The following PSEN1 variants were observed in gnomAD, a reference collection of about 807,000 sequenced individuals.
PSEN1 encodes presenilin-1.
PSEN1 carries 15 observed loss-of-function variants against 53.5 expected under a neutral mutation model. That is an observed-to-expected ratio of 0.28 (90% confidence interval 0.19 to 0.43). The LOEUF is 0.43. PSEN1 is among the 20% of genes least tolerant of loss of function. The pLI is 1.00. For synonymous variants in PSEN1, 208 were observed against 209.8 expected, an observed-to-expected ratio of 0.99 and a Z score of 0.08; for missense variants, 387 against 571.2, an observed-to-expected ratio of 0.68 and a Z score of 3.29.
chr14:73,153,289 G>A (rs1410576928), intron 3 of PSEN1, among the ~76,000 whole-genome samples: 1 of 152,192 alleles, frequency 6.6e-6, no homozygotes, highest in Non-Finnish European at 1.5e-5. Context: ...GCTTTTGCAT[G>A]AGTAAAATCT....
intron 3 of PSEN1, among the ~76,000 whole-genome samples, chr14:73,150,844 C>T (rs901118249): frequency 1.2e-4 from 17 of 147,076 alleles, no homozygotes; most frequent in Middle Eastern, 3.7e-3. Flanking sequence ...CCGAGGAGGG[C>T]GGATCACGAG....
rs1372050492 is a variant in PSEN1, at chr14:73,140,255, G to T, written c.-136+3672G>T. On this transcript the variant is annotated intron_variant, in intron 1 of 11. Coordinates refer to ENST00000324501, the MANE Select transcript of PSEN1 (RefSeq NM_000021.4). ...AGACAGAGTCTCCCTCTGTCGCCCA[G>T]GCTGGAGTGCAGTGGCACAATCTCA... Among the ~76,000 whole-genome samples the T allele has an allele frequency of 3.0e-5, 4 of 135,284 alleles. No homozygotes were observed. The South Asian group carries it at 9.1e-4, about 31-fold the overall frequency. 88.8% of individuals were successfully genotyped at this position (135,284 alleles called of 152,430 possible).
chr14:73,176,978 C>G (rs140971082), intron 5 of PSEN1, among the ~76,000 whole-genome samples: 6 of 152,270 alleles, frequency 3.9e-5, no homozygotes, highest in Admixed American at 3.3e-4. Context: ...CCAGTTTTTC[C>G]TTTGGTCGTA....
intron 1 of PSEN1, among the ~76,000 whole-genome samples, chr14:73,140,366 A>C (rs1419831131): frequency 6.6e-6 from 1 of 151,642 alleles, no homozygotes; most frequent in Non-Finnish European, 1.5e-5. Flanking sequence ...GTGTGCCACC[A>C]CACTGGGCTA....
At chr14:73,203,749 G>A (rs1423895277) in intron 8 of PSEN1, among the ~76,000 whole-genome samples, 3 of 152,102 alleles carry the variant, frequency 2.0e-5, no homozygotes, top group African/African-American at 7.2e-5. Flanking sequence ...TAGTAGAAGT[G>A]GTTCACTCTG....
chr14:73,138,823 C>A (rs1203311), intron 1 of PSEN1, among the ~76,000 whole-genome samples: 8,422 of 149,760 alleles, frequency 0.056, 292 homozygotes, highest in East Asian at 0.19. Flanking sequence ...AAAAATTAGC[C>A]GGGCGTGATG....
chr14:73,178,026 C>T (rs1187387648), intron 5 of PSEN1, among the ~76,000 whole-genome samples: 1 of 151,750 alleles, frequency 6.6e-6, no homozygotes, highest in African/African-American at 2.4e-5. Context: ...TCAAGTGATT[C>T]TCCTGCCTCA....
At position 73,211,680 on chromosome 14, in the gene PSEN1, T is replaced by C; in HGVS notation, c.956-89T>C. 2.8e-6 allele frequency: 4 copies of C among 1,421,488 alleles called. No individual in the cohort carries two copies. In the South Asian group the frequency reaches 4.7e-5, roughly 17 times the overall value. 88.1% of individuals were successfully genotyped at this position (1,421,488 alleles called of 1,614,324 possible). ...TGGTTTAAGGGCCAGCTAGTTACAA[T>C]GACAGCTAGTTACTGTTTCCATGTA... On this transcript the variant is annotated intron_variant, in intron 9 of 11. Transcript: ENST00000324501.
Position 73,220,903 on chromosome 14 carries a change from A to C in PSEN1, c.*1614A>C, listed in dbSNP as rs1022634476. ...TCTTTACCACAGAGAGCCCTTAGCT[A>C]TGCTGATCAGACCGTAAGCGTTTAT... On this transcript the variant is annotated 3_prime_UTR_variant, in exon 12 of 12. Coordinates refer to ENST00000324501, the MANE Select transcript of PSEN1 (RefSeq NM_000021.4). 1.3e-5 allele frequency: 2 copies of C among 152,156 alleles called. No homozygotes were observed. The highest frequency in any genetic ancestry group is 4.8e-5 in the African/African-American group (2 of 41,430). The allele number at this position is 152,156 out of a possible 1,614,324, so 9.4% of individuals were successfully genotyped here.
At chr14:73,205,396 G>A (rs566542756) in intron 8 of PSEN1, among the ~76,000 whole-genome samples, 33 of 150,720 alleles carry the variant, frequency 2.2e-4, no homozygotes, top group African/African-American at 7.1e-4. Flanking sequence ...GGAGAATGGC[G>A]TGAACCCAGG....
chr14:73,184,332 G>T (rs1207445205), intron 5 of PSEN1, among the ~76,000 whole-genome samples: 1 of 123,928 alleles, frequency 8.1e-6, no homozygotes, highest in Non-Finnish European at 1.7e-5. Flanking sequence ...CGGACGGGGC[G>T]GCTGGCCGGG....
In PSEN1 at chr14:73,144,231, C is replaced by T. The variant is rs923677737; in HGVS notation, c.-135-3564C>T. Among the ~76,000 whole-genome samples, 10 of 151,788 alleles carry T rather than the reference C, an allele frequency of 6.6e-5. No individual in the cohort carries two copies. The South Asian group carries it at 1.2e-3, about 19-fold the overall frequency. ...AATTTTTGTATTTTTTGGTAGAGATCGGGTTTCACCATGTTGGCCAGGCTG... is the reference window on the plus strand; with the variant it reads ...AATTTTTGTATTTTTTGGTAGAGATTGGGTTTCACCATGTTGGCCAGGCTG... On this transcript the variant is annotated intron_variant, in intron 1 of 11. Coordinates refer to ENST00000324501, the MANE Select transcript of PSEN1 (RefSeq NM_000021.4).
chr14:73,217,391 A>G, intron 11 of PSEN1, 147 bp downstream of exon 11: 1 of 859,796 alleles, frequency 1.2e-6, no homozygotes, highest in Non-Finnish European at 1.9e-6. Context: ...ACCTCACCTT[A>G]GTAGTTCTCT....
chr14:73,173,918 G>C, intron 5 of PSEN1: 1 of 666,442 alleles, frequency 1.5e-6, no homozygotes, highest in Non-Finnish European at 2.6e-6. Context: ...CAGAGGCTGA[G>C]GCAGGAGGAT....
chr14:73,217,795 A>T (rs1261469007), intron 11 of PSEN1, among the ~76,000 whole-genome samples: 5 of 126,304 alleles, frequency 4.0e-5, no homozygotes, highest in Non-Finnish European at 3.3e-5. Flanking sequence ...CAAAACTATG[A>T]TTTTTTTTTT....
At chr14:73,197,221 CTG>C (rs1259170456) in intron 7 of PSEN1, among the ~76,000 whole-genome samples, 2 of 152,188 alleles carry the variant, frequency 1.3e-5, no homozygotes, top group East Asian at 3.8e-4. Flanking sequence ...GCGTGAGCCA[CTG>C]CGCCCGGCCT....
At position 73,193,072 on chromosome 14, in the gene PSEN1, A is replaced by T. The variant is rs548215897; in HGVS notation, c.769+208A>T. Among the ~76,000 whole-genome samples the T allele has an allele frequency of 1.3e-3, 197 of 152,238 alleles. 2 individuals are homozygous for T. Among genetic ancestry groups the T allele is most frequent in the African/African-American group, 4.6e-3 (191 of 41,532 alleles). On this transcript the variant is annotated intron_variant, in intron 7 of 11. Coordinates refer to ENST00000324501, the MANE Select transcript of PSEN1 (RefSeq NM_000021.4). ...ATGCCTGTAATCTTAGCACTTTGGGAGGCTGAGGCGGGCAGATCACCTAAG... is the reference window on the plus strand; with the variant it reads ...ATGCCTGTAATCTTAGCACTTTGGGTGGCTGAGGCGGGCAGATCACCTAAG...
At chr14:73,165,258 A>G (rs1289570021) in intron 3 of PSEN1, among the ~76,000 whole-genome samples, 2 of 152,066 alleles carry the variant, frequency 1.3e-5, no homozygotes, top group Admixed American at 6.5e-5. Flanking sequence ...GCCCGGCCCA[A>G]ACTGTGCTTT....
rs1241622802 is a variant in PSEN1 at position 73,202,440 on chromosome 14, A to T, written c.869-3946A>T. ...ATACTATATATATATATATATATAT[A>T]TATATATATATATATATATATATTT... On this transcript the variant is annotated intron_variant, in intron 8 of 11. Transcript: ENST00000324501. Among the ~76,000 whole-genome samples the T allele has an allele frequency of 3.6e-3, 56 of 15,658 alleles. 1 individual carries two copies. The highest frequency in any genetic ancestry group is 0.015 in the African/African-American group (49 of 3,296). 10.3% of individuals were successfully genotyped at this position (15,658 alleles called of 152,430 possible).
Sources: allele counts gnomAD v4.1 joint callset (sites outside exome capture counted in the v4.1 genomes callset), GRCh38; gene constraint gnomAD v4.1.1; transcripts MANE v1.5; gene names NCBI Gene and HGNC (gene_info 2026-07-23, HGNC 2026-07-21).